The following RABGAP1L variants were observed in gnomAD, a reference collection of about 807,000 sequenced individuals.
RABGAP1L encodes the protein rab GTPase-activating protein 1-like.
A neutral mutation model predicts 137.7 loss-of-function variants in RABGAP1L; 63 were observed. The observed-to-expected ratio is 0.46, with a 90% CI of 0.37 to 0.56. The LOEUF is 0.56. RABGAP1L is among the 20% of genes least tolerant of loss of function. The pLI is 0.00. For synonymous variants in RABGAP1L, 431 were observed against 433.7 expected, an observed-to-expected ratio of 0.99 and a Z score of 0.08; for missense variants, 1,095 against 1,244.0, an observed-to-expected ratio of 0.88 and a Z score of 1.80.
chr1:174,408,737 T>C (rs927791479), intron 13 of RABGAP1L, among the ~76,000 whole-genome samples: 21 of 152,134 alleles, frequency 1.4e-4, no homozygotes, highest in Non-Finnish European at 2.9e-4. Flanking sequence ...TTGTTTTTTT[T>C]TGACTTTTTA....
chr1:174,613,593 T>G (rs1449034159), intron 13 of RABGAP1L, among the ~76,000 whole-genome samples: 1 of 152,198 alleles, frequency 6.6e-6, no homozygotes, highest in African/African-American at 2.4e-5. Context: ...CAGAGCTGAG[T>G]TCAATTCCTG....
intron 17 of RABGAP1L, among the ~76,000 whole-genome samples, chr1:174,707,932 C>T (rs1268792811): frequency 6.6e-6 from 1 of 152,160 alleles, no homozygotes. Context: ...CACATTCTTT[C>T]AGAAGACATA....
chr1:174,894,142 C>G (rs1055785219), intron 19 of RABGAP1L, among the ~76,000 whole-genome samples: 10 of 152,188 alleles, frequency 6.6e-5, no homozygotes, highest in Admixed American at 3.9e-4. Flanking sequence ...TACACAATAC[C>G]TGATAAATGC....
intron 20 of RABGAP1L, among the ~76,000 whole-genome samples, chr1:174,962,342 A>C (rs1226028053): frequency 6.6e-6 from 1 of 152,196 alleles, no homozygotes; most frequent in East Asian, 1.9e-4. Flanking sequence ...AGACATTATT[A>C]TAAATACATA....
At chr1:174,473,339 A>C (rs1476865774) in intron 13 of RABGAP1L, among the ~76,000 whole-genome samples, 1 of 152,108 alleles carries the variant, frequency 6.6e-6, no homozygotes, top group Non-Finnish European at 1.5e-5. Context: ...CACAATCCCA[A>C]AGCTTTCCTA....
rs1205290041 is a variant in RABGAP1L at position 174,991,754 on chromosome 1, A to C, written c.*1753A>C. On this transcript the variant is annotated 3_prime_UTR_variant, in exon 26 of 26. Transcript: ENST00000681986. ...CTGTGTTGGCTTTAACATTCTCTACATGGTGGTCTAGATAAGCTAATTTTT... is the reference window on the plus strand; with the variant it reads ...CTGTGTTGGCTTTAACATTCTCTACCTGGTGGTCTAGATAAGCTAATTTTT... 1 of 148,920 alleles carries C rather than the reference A, an allele frequency of 6.7e-6. No homozygotes were observed. The highest frequency in any genetic ancestry group is 2.0e-4 in the East Asian group (1 of 5,118). The allele number at this position is 148,920 out of a possible 1,614,324, so 9.2% of individuals were successfully genotyped here. A position where few individuals can be genotyped will look rare whatever the true frequency, so the allele number is the denominator to read the frequency against.
chr1:174,829,210 C>T lies in RABGAP1L; in HGVS notation c.2340+17250C>T, dbSNP rs1200584434. On this transcript the variant is annotated intron_variant, in intron 19 of 25. Coordinates refer to ENST00000681986, the MANE Select transcript of RABGAP1L (RefSeq NM_001366446.1). ...TTTATATTTATTGAGGTAACAAACC[C>T]TGTTTATAAAAGATGAAGAATATTG... Among the ~76,000 whole-genome samples, 5 of 147,858 alleles carry T rather than the reference C, an allele frequency of 3.4e-5. 1 individual carries two copies. Among genetic ancestry groups the T allele is most frequent in the African/African-American group, 7.4e-5 (3 of 40,522 alleles).
intron 13 of RABGAP1L, among the ~76,000 whole-genome samples, chr1:174,550,941 T>C (rs1278448552): frequency 5.7e-4 from 74 of 129,016 alleles, no homozygotes; most frequent in African/African-American, 2.4e-3. Context: ...TACACATATA[T>C]ATACACACAT....
intron 13 of RABGAP1L, among the ~76,000 whole-genome samples, chr1:174,436,428 T>C (rs1407308393): frequency 1.3e-5 from 2 of 152,240 alleles, no homozygotes; most frequent in Non-Finnish European, 2.9e-5. Flanking sequence ...TTTTTTCATG[T>C]GTTTTTTGGC....
At chr1:174,653,527 G>A (rs1386848042) in intron 14 of RABGAP1L, among the ~76,000 whole-genome samples, 2 of 152,154 alleles carry the variant, frequency 1.3e-5, no homozygotes, top group African/African-American at 4.8e-5. Flanking sequence ...GGCTAGGGGA[G>A]GGAGTTCCCT....
intron 12 of RABGAP1L, among the ~76,000 whole-genome samples, chr1:174,389,590 G>A (rs962614289): frequency 1.3e-5 from 2 of 152,088 alleles, no homozygotes; most frequent in South Asian, 4.1e-4. Flanking sequence ...ATGAGTCCAT[G>A]ACATTTTTTT....
Position 174,448,464 on chromosome 1 carries a change from G to T in RABGAP1L, c.1710+54319G>T. 6.2e-7 allele frequency: 1 copy of T among 1,613,850 alleles called. No individual in the cohort carries two copies. Among genetic ancestry groups the T allele is most frequent in the Non-Finnish European group, 8.5e-7 (1 of 1,179,804 alleles). On this transcript the variant is annotated intron_variant, in intron 13 of 25. Coordinates refer to ENST00000681986, the MANE Select transcript of RABGAP1L (RefSeq NM_001366446.1). The surrounding 1 kb of genome is among the most constrained non-coding windows in gnomAD (Gnocchi z 4.2). ...GAGTCATTGACTTGCCAGGTTTTTGGATATATCATCTCAGTTCTAAAAAGT... is the reference window on the plus strand; with the variant it reads ...GAGTCATTGACTTGCCAGGTTTTTGTATATATCATCTCAGTTCTAAAAAGT...
chr1:174,769,801 C>CGA (rs1423119667), intron 18 of RABGAP1L, among the ~76,000 whole-genome samples: 1 of 151,618 alleles, frequency 6.6e-6, no homozygotes, highest in African/African-American at 2.4e-5. Context: ...TGCAGTGAGC[C>CGA]GAGATCACGC....
At chr1:174,583,388 C>G (rs1668882798) in intron 13 of RABGAP1L, among the ~76,000 whole-genome samples, 1 of 152,070 alleles carries the variant, frequency 6.6e-6, no homozygotes, top group South Asian at 2.1e-4. Context: ...CCTTGAAATT[C>G]TAGTGTGTTC....
intron 4 of RABGAP1L, among the ~76,000 whole-genome samples, chr1:174,234,525 T>C (rs1219894287): frequency 6.9e-6 from 1 of 144,086 alleles, no homozygotes; most frequent in Non-Finnish European, 1.5e-5. Flanking sequence ...AAATAGGGAA[T>C]CCTTTCCCCA....
At chr1:174,572,490 A>G (rs961637543) in intron 13 of RABGAP1L, among the ~76,000 whole-genome samples, 7 of 152,034 alleles carry the variant, frequency 4.6e-5, no homozygotes, top group Non-Finnish European at 1.5e-5. Flanking sequence ...GGTTCAAGCA[A>G]TTCTATCTCA....
chr1:174,231,490 A>G, intron 4 of RABGAP1L, 135 bp downstream of exon 4: 1 of 791,498 alleles, frequency 1.3e-6, no homozygotes, highest in Non-Finnish European at 2.1e-6. Context: ...GTTTAGGCTT[A>G]GACTGTGTTC....
At chr1:174,444,369 T>C (rs1161884229) in intron 13 of RABGAP1L, among the ~76,000 whole-genome samples, 2 of 152,062 alleles carry the variant, frequency 1.3e-5, no homozygotes, top group Non-Finnish European at 2.9e-5. Context: ...TTTGCATCTA[T>C]GTTTCTCAGG....
chr1:174,395,618 A>T (rs1003260338), intron 13 of RABGAP1L, among the ~76,000 whole-genome samples: 1 of 152,202 alleles, frequency 6.6e-6, no homozygotes, highest in Admixed American at 6.5e-5. Flanking sequence ...TTTAAAACTT[A>T]TACAAGTAGT....
Sources: allele counts gnomAD v4.1 joint callset (sites outside exome capture counted in the v4.1 genomes callset), GRCh38; gene constraint gnomAD v4.1.1; non-coding constraint Gnocchi (gnomAD v3.1); transcripts MANE v1.5; gene names NCBI Gene and HGNC (gene_info 2026-07-23, HGNC 2026-07-21).